The following PRND variants were observed in gnomAD, a reference collection of about 807,000 sequenced individuals.
PRND encodes prion-like protein doppel.
For synonymous variants in PRND, 94 were observed against 93.2 expected, an observed-to-expected ratio of 1.01 and a Z score of -0.05; for missense variants, 227 against 223.3, an observed-to-expected ratio of 1.02 and a Z score of -0.11.
chr20:4,727,222 T>G lies in PRND; in HGVS notation c.*2140T>G, dbSNP rs1474095819. ...CGCTTAGGCCATGATGTCGTTCATT[T>G]TCTGTAATTGCTGCCTTTTCTCATT... On this transcript the variant is annotated 3_prime_UTR_variant, in exon 2 of 2. Transcript: ENST00000305817. 1 of 167,108 alleles carries G rather than the reference T, an allele frequency of 6.0e-6. No homozygotes were observed. The highest frequency in any genetic ancestry group is 1.5e-5 in the Non-Finnish European group (1 of 68,126). The allele number at this position is 167,108 out of a possible 1,614,324, so 10.4% of individuals were successfully genotyped here. A position where few individuals can be genotyped will look rare whatever the true frequency, so the allele number is the denominator to read the frequency against.
chr20:4,724,900 CA>C lies in PRND; in HGVS notation c.350del (p.Gln117ArgfsTer54), dbSNP rs1163419547. The C allele has an allele frequency of 2.5e-6, 4 of 1,614,052 alleles. No homozygotes were observed. The highest frequency in any genetic ancestry group is 2.2e-5 in the East Asian group (1 of 44,886). On this transcript the variant is annotated frameshift_variant, in exon 2 of 2. Transcript: ENST00000305817. LOFTEE classifies it low-confidence loss of function (END_TRUNC). The surrounding 1 kb of genome is among the most constrained non-coding windows in gnomAD (Gnocchi z 4.8). The part of the protein sequence containing the change: ...GCINATQAAN[Q>X]GEFQKPDNKL... ...CATCAATGCCACCCAGGCGGCGAAC[CA>C]GGGGGAGTTCCAGAAGCCAGACAAC...
In PRND at chr20:4,724,980, G is replaced by A. The variant is rs1923219151; in HGVS notation, c.429G>A (p.Lys143=). The A allele has an allele frequency of 6.2e-7, 1 of 1,613,928 alleles. No individual in the cohort carries two copies. Among genetic ancestry groups the A allele is most frequent in the Non-Finnish European group, 8.5e-7 (1 of 1,179,956 alleles). The change falls in exon 2 of 2, where the codon AAG becomes AAA. Residue 143 remains lysine (K), a synonymous_variant. Transcript: ENST00000305817. The surrounding 1 kb of genome is among the most constrained non-coding windows in gnomAD (Gnocchi z 4.8). ...TGGTCCAGGAGCTCTGCTCCCTCAA[G>A]CATTGCGAGTTTTGGTTGGAGAGGG... ...WRLVQELCSL[K]HCEFWLERGA...
chr20:4,725,819 C>T lies in PRND; in HGVS notation c.*737C>T, dbSNP rs1235266735. 5 of 165,956 alleles carry T rather than the reference C, an allele frequency of 3.0e-5. No individual in the cohort carries two copies. Among genetic ancestry groups the T allele is most frequent in the Non-Finnish European group, 7.4e-5 (5 of 67,996 alleles). The allele number at this position is 165,956 out of a possible 1,614,324, so 10.3% of individuals were successfully genotyped here. A position where few individuals can be genotyped will look rare whatever the true frequency, so the allele number is the denominator to read the frequency against. Reference sequence around the variant, plus strand: ...GGAAGCTGATTCCCAGAGCAGACCACATATACAGCAGGATGTGCCTGTGGC... The same window carrying T: ...GGAAGCTGATTCCCAGAGCAGACCATATATACAGCAGGATGTGCCTGTGGC... On this transcript the variant is annotated 3_prime_UTR_variant, in exon 2 of 2. Coordinates refer to ENST00000305817, the MANE Select transcript of PRND (RefSeq NM_012409.4).
Position 4,724,829 on chromosome 20 carries a change from G to A in PRND, c.278G>A (p.Gly93Asp), listed in dbSNP as rs772844016. ...WQFPDGIHYN[G>D]CSEANVTKEA... Reference sequence around the variant, plus strand: ...TTCCCCGATGGCATCCACTACAACGGCTGCTCTGAGGCTAATGTGACCAAG... The same window carrying A: ...TTCCCCGATGGCATCCACTACAACGACTGCTCTGAGGCTAATGTGACCAAG... Residue 93 changes from glycine (G) to aspartate (D), a missense_variant, in exon 2 of 2, where the codon GGC becomes GAC. Gly to Asp is a moderately conservative substitution (Grantham distance 94). Coordinates refer to ENST00000305817, the MANE Select transcript of PRND (RefSeq NM_012409.4). The surrounding 1 kb of genome is among the most constrained non-coding windows in gnomAD (Gnocchi z 4.8). 1 of 1,614,204 alleles carries A rather than the reference G, an allele frequency of 6.2e-7. No homozygotes were observed. Among genetic ancestry groups the A allele is most frequent in the Non-Finnish European group, 8.5e-7 (1 of 1,180,046 alleles).
At chr20:4,722,479 G>A (rs574731340) in intron 1 of PRND, among the ~76,000 whole-genome samples, 2 of 151,660 alleles carry the variant, frequency 1.3e-5, no homozygotes, top group South Asian at 2.1e-4. Flanking sequence ...GGACAAAGAC[G>A]AGGCGATGTC....
chr20:4,724,052 G>A lies in PRND; in HGVS notation c.-11-489G>A, dbSNP rs569332603. Among the ~76,000 whole-genome samples the A allele has an allele frequency of 1.6e-4, 24 of 150,148 alleles. No individual in the cohort carries two copies. Among genetic ancestry groups the A allele is most frequent in the East Asian group, 1.4e-3 (7 of 5,084 alleles). On this transcript the variant is annotated intron_variant, in intron 1 of 1. Transcript: ENST00000305817. This position sits in a 1 kb window ranked among gnomAD's most constrained non-coding sequence, Gnocchi z 4.8. Reference sequence around the variant, plus strand: ...TATATGTGTGTATATATGTATATATGTGTGTGTATATACGTGTATATATAC... The same window carrying A: ...TATATGTGTGTATATATGTATATATATGTGTGTATATACGTGTATATATAC...
intron 1 of PRND, among the ~76,000 whole-genome samples, chr20:4,722,651 T>C (rs1290004194): frequency 6.6e-6 from 1 of 152,092 alleles, no homozygotes; most frequent in Non-Finnish European, 1.5e-5. Flanking sequence ...TAGCCACTTT[T>C]AGGGAAGCTG....
chr20:4,722,734 T>C (rs2735674), intron 1 of PRND, among the ~76,000 whole-genome samples: 87,235 of 151,950 alleles, frequency 0.57, 26,236 homozygotes, highest in African/African-American at 0.76. Flanking sequence ...TGGGGCCCCA[T>C]GGCCTCACAG....
Position 4,725,925 on chromosome 20 carries a change from A to G in PRND, c.*843A>G, listed in dbSNP as rs545090583. 8.3e-5 allele frequency: 13 copies of G among 156,608 alleles called. No individual in the cohort carries two copies. The highest frequency in any genetic ancestry group is 3.4e-4 in the African/African-American group (13 of 38,584). The allele number at this position is 156,608 out of a possible 1,614,324, so 9.7% of individuals were successfully genotyped here. Reference sequence around the variant, plus strand: ...GCCCAGGCTGGAGTGCAACGGCATGATTTTGGCTCACTGCAGCCTCTGCCT... The same window carrying G: ...GCCCAGGCTGGAGTGCAACGGCATGGTTTTGGCTCACTGCAGCCTCTGCCT... On this transcript the variant is annotated 3_prime_UTR_variant, in exon 2 of 2. Coordinates refer to ENST00000305817, the MANE Select transcript of PRND (RefSeq NM_012409.4).
Position 4,724,894 on chromosome 20 carries a change from G to T in PRND, c.343G>T (p.Ala115Ser). The T allele has an allele frequency of 6.2e-7, 1 of 1,614,204 alleles. No individual in the cohort carries two copies. Among genetic ancestry groups the T allele is most frequent in the Non-Finnish European group, 8.5e-7 (1 of 1,180,044 alleles). The change falls in exon 2 of 2, where the codon GCG (alanine) becomes TCG (serine). Residue 115 changes from alanine (A) to serine (S), a missense_variant. Ala to Ser is a moderately conservative substitution (Grantham distance 99, BLOSUM62 1). Coordinates refer to ENST00000305817, the MANE Select transcript of PRND (RefSeq NM_012409.4). The surrounding 1 kb of genome is among the most constrained non-coding windows in gnomAD (Gnocchi z 4.8). ...VTGCINATQA[A>S]NQGEFQKPDN... ...CGGCTGCATCAATGCCACCCAGGCG[G>T]CGAACCAGGGGGAGTTCCAGAAGCC...
rs1923267993 is a variant in PRND at position 4,726,357 on chromosome 20, T to G, written c.*1275T>G. On this transcript the variant is annotated 3_prime_UTR_variant, in exon 2 of 2. Transcript: ENST00000305817. ...GTCTCTCATTTCTTTCAAGACAGCC[T>G]AATGAAGGCCATCATCTCTGTAAAC... is the stretch of plus-strand genomic sequence containing the variant. 6.0e-6 allele frequency: 1 copy of G among 166,998 alleles called. No homozygotes were observed. The highest frequency in any genetic ancestry group is 1.5e-5 in the Non-Finnish European group (1 of 68,116). 10.3% of individuals were successfully genotyped at this position (166,998 alleles called of 1,614,324 possible).
chr20:4,724,510 G>C lies in PRND; in HGVS notation c.-11-31G>C. 1.2e-6 allele frequency: 2 copies of C among 1,613,246 alleles called. No homozygotes were observed. The highest frequency in any genetic ancestry group is 1.7e-6 in the Non-Finnish European group (2 of 1,179,980). The stretch of plus-strand genomic sequence containing the variant: ...CAGGGGAGCCCAGGCAGGCCTGGTG[G>C]GGAGCTGACCCACCGCCGTTTCTCT... On this transcript the variant is annotated intron_variant, in intron 1 of 1. Coordinates refer to ENST00000305817, the MANE Select transcript of PRND (RefSeq NM_012409.4). This position sits in a 1 kb window ranked among gnomAD's most constrained non-coding sequence, Gnocchi z 4.8.
chr20:4,725,252 G>C lies in PRND; in HGVS notation c.*170G>C, dbSNP rs560600820. 1 of 792,326 alleles carries C rather than the reference G, an allele frequency of 1.3e-6. No individual in the cohort carries two copies. The highest frequency in any genetic ancestry group is 2.5e-5 in the Admixed American group (1 of 39,378). 49.1% of individuals were successfully genotyped at this position (792,326 alleles called of 1,614,324 possible). A position where few individuals can be genotyped will look rare whatever the true frequency, so the allele number is the denominator to read the frequency against. On this transcript the variant is annotated 3_prime_UTR_variant, in exon 2 of 2. Coordinates refer to ENST00000305817, the MANE Select transcript of PRND (RefSeq NM_012409.4). ...GCGCCCTGGTATGTGCCTGCGTTCT[G>C]ATAGATGGGGGACTGTGGCTTCTCC...
At chr20:4,723,281 A>G (rs535045407) in intron 1 of PRND, among the ~76,000 whole-genome samples, 1 of 152,304 alleles carries the variant, frequency 6.6e-6, no homozygotes, top group Admixed American at 6.5e-5. Context: ...TCCCAGGACA[A>G]CATTTATAAC....
rs1268460519 is a variant in PRND at position 4,724,084 on chromosome 20, ATG to A, written c.-11-453_-11-452del. Among the ~76,000 whole-genome samples, 2 of 150,320 alleles carry A rather than the reference ATG, an allele frequency of 1.3e-5. No individual in the cohort carries two copies. Among genetic ancestry groups the A allele is most frequent in the Non-Finnish European group, 3.0e-5 (2 of 67,766 alleles). On this transcript the variant is annotated intron_variant, in intron 1 of 1. Transcript: ENST00000305817. The surrounding 1 kb of genome is among the most constrained non-coding windows in gnomAD (Gnocchi z 4.8). ...TATATACGTGTATATATACATATAT[ATG>A]TGTATATATATACGTGTATACACAC...
At position 4,724,459 on chromosome 20, in the gene PRND, T is replaced by TA. The variant is rs1362616813; in HGVS notation, c.-11-78dup. Reference sequence around the variant, plus strand: ...TAGCACAAGGATGCGATTCCTTCCTTAAAATCTCCTGCACTTGGGAGGGGG... The same window carrying TA: ...TAGCACAAGGATGCGATTCCTTCCTTAAAAATCTCCTGCACTTGGGAGGGGG... On this transcript the variant is annotated intron_variant, in intron 1 of 1. Coordinates refer to ENST00000305817, the MANE Select transcript of PRND (RefSeq NM_012409.4). The surrounding 1 kb of genome is among the most constrained non-coding windows in gnomAD (Gnocchi z 4.8). The TA allele has an allele frequency of 1.3e-6, 2 of 1,543,890 alleles. No homozygotes were observed. The highest frequency in any genetic ancestry group is 1.8e-6 in the Non-Finnish European group (2 of 1,119,836).
chr20:4,723,804 T>A (rs1923171120), intron 1 of PRND, among the ~76,000 whole-genome samples: 1 of 151,948 alleles, frequency 6.6e-6, no homozygotes, highest in African/African-American at 2.4e-5. Context: ...TGGTAGTGTG[T>A]GCCTGTAGTC....
intron 1 of PRND, among the ~76,000 whole-genome samples, chr20:4,722,842 C>T (rs1025680420): frequency 1.4e-4 from 22 of 152,062 alleles, no homozygotes; most frequent in Non-Finnish European, 3.2e-4. Context: ...GCTAGAATGC[C>T]CTGACAGTCG....
rs1012845223 is a variant in PRND at position 4,725,792 on chromosome 20, T to C, written c.*710T>C. 2 of 166,836 alleles carry C rather than the reference T, an allele frequency of 1.2e-5. No individual in the cohort carries two copies. Among genetic ancestry groups the C allele is most frequent in the Non-Finnish European group, 2.9e-5 (2 of 68,128 alleles). 10.3% of individuals were successfully genotyped at this position (166,836 alleles called of 1,614,324 possible). A position where few individuals can be genotyped will look rare whatever the true frequency, so the allele number is the denominator to read the frequency against. On this transcript the variant is annotated 3_prime_UTR_variant, in exon 2 of 2. Coordinates refer to ENST00000305817, the MANE Select transcript of PRND (RefSeq NM_012409.4). ...GAAATCATACTGTAAGGAAATGTTA[T>C]TGGAAGCTGATTCCCAGAGCAGACC...
Sources: gnomAD v4.1 joint callset for allele counts (sites outside exome capture counted in the v4.1 genomes callset) on GRCh38, gnomAD v4.1.1 for gene constraint, Gnocchi (gnomAD v3.1) non-coding constraint, MANE v1.5 for transcripts, NCBI Gene and HGNC (gene_info 2026-07-23, HGNC 2026-07-21) for gene names.